DOP1B: variants seen among roughly 807,000 people sequenced by gnomAD.
DOP1B encodes protein DOP1B.
DOP1B carries 174 observed loss-of-function variants against 233.5 expected under a neutral mutation model. The observed-to-expected ratio is 0.75, with a 90% CI of 0.66 to 0.85. The LOEUF is 0.85. Ranked by LOEUF, DOP1B falls within the 40% of genes least tolerant of loss-of-function variation. The probability of loss-of-function intolerance (pLI) is 0.00; values close to 1 mark genes in which losing one functional copy is unlikely to be tolerated. For synonymous variants in DOP1B, 1,190 were observed against 1,185.6 expected (o/e 1.00, Z -0.08); for missense variants, 2,652 against 2,846.6 (o/e 0.93, Z 1.56).
chr21:36,226,296 CTTT>C (rs80233063), intron 12 of DOP1B, among the ~76,000 whole-genome samples: 1 of 137,724 alleles, frequency 7.3e-6, no homozygotes, highest in Non-Finnish European at 1.5e-5. Context: ...CTCTCTCTCT[CTTT>C]TTTTTTTTTT....
intron 1 of DOP1B, among the ~76,000 whole-genome samples, chr21:36,161,511 G>GTGT (rs1050050098): frequency 5.9e-5 from 9 of 152,046 alleles, no homozygotes; most frequent in South Asian, 2.1e-4. Context: ...GTATAATTCA[G>GTGT]TGTTGTTGTT....
At chr21:36,269,552 ACT>A (rs1321069879) in intron 26 of DOP1B, among the ~76,000 whole-genome samples, 2 of 151,550 alleles carry the variant, frequency 1.3e-5, no homozygotes, top group Non-Finnish European at 2.9e-5. Context: ...ACGAAGTCTC[ACT>A]CTGTCATCCA....
At chr21:36,281,688 T>C (rs2067418758) in intron 32 of DOP1B, 77 bp downstream of exon 32, 1 of 1,314,892 alleles carries the variant, frequency 7.6e-7, no homozygotes, top group African/African-American at 1.5e-5. Flanking sequence ...AAAACAGAAA[T>C]TTATTGCCTC....
chr21:36,225,613 C>T lies in DOP1B; in HGVS notation c.1419C>T (p.Pro473=), dbSNP rs199879429. 42 of 1,614,046 alleles carry T rather than the reference C, an allele frequency of 2.6e-5. No homozygotes were observed. In the Middle Eastern group the frequency reaches 4.9e-4, roughly 19 times the overall value. ...TGAGGAACAGCGTCAGCCCTCCCCCCACGGTCTCGGAGCTCTGCGCCCTCC... is the reference window on the plus strand; with the variant it reads ...TGAGGAACAGCGTCAGCCCTCCCCCTACGGTCTCGGAGCTCTGCGCCCTCC... ...YSVRNSVSPP[P]TVSELCALLV... The change falls in exon 12 of 37, where the codon CCC becomes CCT. Residue 473 remains proline (P), a synonymous_variant. Transcript: ENST00000691173.
At chr21:36,207,916 A>G (rs1046292327) in intron 4 of DOP1B, among the ~76,000 whole-genome samples, 32 of 152,200 alleles carry the variant, frequency 2.1e-4, no homozygotes, top group African/African-American at 7.7e-4. Context: ...AGCTGCAGGG[A>G]CACCACCGAA....
At chr21:36,288,730 G>T in intron 33 of DOP1B, 26 bp from the exon 34 acceptor site, 1 of 1,570,858 alleles carries the variant, frequency 6.4e-7, no homozygotes, top group Non-Finnish European at 8.7e-7. Flanking sequence ...GTCTCAGATA[G>T]TAACTTGAAT....
chr21:36,232,985 C>A lies in DOP1B; in HGVS notation c.2532C>A (p.Asn844Lys), dbSNP rs756546014. The change falls in exon 15 of 37, where the codon AAC becomes AAA. Residue 844 changes from asparagine (N) to lysine (K), a missense_variant. Physicochemically the swap from Asn to Lys is moderately conservative, Grantham distance 94. Around this residue, in one of 3 missense-constraint regions of DOP1B, gnomAD observed 2,617 missense variants for 2,794.3 expected, o/e 0.94. Coordinates refer to ENST00000691173, the MANE Select transcript of DOP1B (RefSeq NM_001320714.2). ...AACGCTATAAGAGCTCTGGACACAA[C>A]CCTTTTTTTGGCAAGCTGCAGATGG... is the stretch of plus-strand genomic sequence containing the variant. ...KMKRYKSSGH[N>K]PFFGKLQMVT... 1 of 1,614,110 alleles carries A rather than the reference C, an allele frequency of 6.2e-7. No homozygotes were observed.
chr21:36,162,380 A>T (rs1413537329), intron 1 of DOP1B, among the ~76,000 whole-genome samples: 2 of 152,136 alleles, frequency 1.3e-5, no homozygotes, highest in Admixed American at 1.3e-4. Flanking sequence ...TTGTTTGTAG[A>T]GATGGGGTTT....
At chr21:36,238,737 A>C in intron 17 of DOP1B, 36 bp downstream of exon 17, 18 of 1,603,188 alleles carry the variant, frequency 1.1e-5, no homozygotes, top group East Asian at 2.2e-5. Context: ...CCGTTAACTC[A>C]CGAGGAAACT....
intron 2 of DOP1B, among the ~76,000 whole-genome samples, chr21:36,172,139 CAG>C (rs2065976708): frequency 6.6e-6 from 1 of 152,084 alleles, no homozygotes; most frequent in Non-Finnish European, 1.5e-5. Context: ...AGCCAGAGGA[CAG>C]AGTGACCAGA....
At chr21:36,261,800 A>G (rs577621652) in intron 24 of DOP1B, 1 of 529,898 alleles carries the variant, frequency 1.9e-6, no homozygotes, top group African/African-American at 2.1e-5. Context: ...AGTCCCAGCT[A>G]CTCGGGAAGC....
At chr21:36,234,035 G>T (rs1475691415) in intron 15 of DOP1B, among the ~76,000 whole-genome samples, 2 of 152,014 alleles carry the variant, frequency 1.3e-5, no homozygotes, top group Non-Finnish European at 2.9e-5. Flanking sequence ...TGTATTTTTA[G>T]TAGAGATGGG....
chr21:36,275,157 A>T (rs2067337100), intron 27 of DOP1B, among the ~76,000 whole-genome samples: 1 of 151,586 alleles, frequency 6.6e-6, no homozygotes, highest in Non-Finnish European at 1.5e-5. Flanking sequence ...ATTTGTTTTT[A>T]AATGGAGGAT....
intron 13 of DOP1B, among the ~76,000 whole-genome samples, chr21:36,228,673 G>A (rs1045121913): frequency 2.0e-5 from 3 of 151,940 alleles, no homozygotes; most frequent in Non-Finnish European, 4.4e-5. Flanking sequence ...GGCTGAGGCA[G>A]GAGAACAGCG....
intron 2 of DOP1B, among the ~76,000 whole-genome samples, chr21:36,174,684 T>C (rs1423273581): frequency 2.0e-5 from 3 of 152,136 alleles, no homozygotes; most frequent in African/African-American, 7.2e-5. Flanking sequence ...AATTTTTGTA[T>C]TTTCTTTTCA....
chr21:36,231,883 G>A (rs1479741668), intron 14 of DOP1B, among the ~76,000 whole-genome samples: 10 of 139,174 alleles, frequency 7.2e-5, no homozygotes, highest in Non-Finnish European at 1.1e-4. Flanking sequence ...GTCTTGCTCT[G>A]TCGCCAGGCT....
intron 11 of DOP1B, among the ~76,000 whole-genome samples, chr21:36,223,588 A>C (rs113821493): frequency 2.0e-5 from 3 of 152,340 alleles, no homozygotes; most frequent in African/African-American, 7.2e-5. Context: ...AAGCTGCTTT[A>C]AAAGTCTAAC....
chr21:36,257,432 C>G (rs2067112720), intron 23 of DOP1B, among the ~76,000 whole-genome samples: 1 of 152,214 alleles, frequency 6.6e-6, no homozygotes, highest in South Asian at 2.1e-4. Context: ...GTCTGCACAG[C>G]ACTGCTTCCT....
Position 36,217,674 on chromosome 21 carries a change from C to A in DOP1B, c.1130-1698C>A, listed in dbSNP as rs1187490620. Reference sequence around the variant, plus strand: ...AGGCTCTGCCCATGATGTGCTGCCTCAGGGTGTCTGCACTTTGTTCAGATT... The same window carrying A: ...AGGCTCTGCCCATGATGTGCTGCCTAAGGGTGTCTGCACTTTGTTCAGATT... On this transcript the variant is annotated intron_variant, in intron 9 of 36. Transcript: ENST00000691173. Among the ~76,000 whole-genome samples, 5 of 152,198 alleles carry A rather than the reference C, an allele frequency of 3.3e-5. No homozygotes were observed. In the South Asian group the frequency reaches 1.0e-3, roughly 32 times the overall value.
Sources: gnomAD v4.1 joint callset for allele counts (sites outside exome capture counted in the v4.1 genomes callset) on GRCh38, gnomAD v4.1.1 for gene constraint, gnomAD v4.1.1 regional missense constraint, MANE v1.5 for transcripts, NCBI Gene and HGNC (gene_info 2026-07-23, HGNC 2026-07-21) for gene names.